Variants in SCN8A observed in about 807,000 individuals in gnomAD.
SCN8A encodes the protein sodium voltage-gated channel alpha subunit 8, also known as sodium channel protein type 8 subunit alpha.
In SCN8A, 30 loss-of-function variants were observed where a neutral mutation model predicts 184.1. That is an observed-to-expected ratio of 0.16 (90% CI 0.12 to 0.22). The LOEUF (loss-of-function observed/expected upper bound fraction) is 0.22. SCN8A is among the 10% of genes least tolerant of loss of function. The pLI, the probability that SCN8A is intolerant of heterozygous loss-of-function variation, is 1.00. For synonymous variants in SCN8A, 852 were observed against 907.0 expected, an observed-to-expected ratio of 0.94 and a Z score of 1.09; for missense variants, 1,057 against 2,498.9, an observed-to-expected ratio of 0.42 and a Z score of 12.30.
rs1035168468 is a variant in SCN8A, at chr12:51,713,335, G to T, written c.1635+6620G>T. 4.1e-5 allele frequency: 44 copies of T among 1,062,536 alleles called. No individual in the cohort carries two copies. The African/African-American group carries it at 6.3e-4, about 15-fold the overall frequency. 65.8% of individuals were successfully genotyped at this position (1,062,536 alleles called of 1,614,324 possible). A position where few individuals can be genotyped will look rare whatever the true frequency, so the allele number is the denominator to read the frequency against. On this transcript the variant is annotated intron_variant, in intron 11 of 26. Transcript: ENST00000627620. ...CTTGTGTGGTCAAGCACACATTGCT[G>T]CATCCACCTCTTCAACACAAGAATA... is the stretch of plus-strand genomic sequence containing the variant.
chr12:51,714,827 C>T (rs57913244), intron 11 of SCN8A, among the ~76,000 whole-genome samples: 10,299 of 152,214 alleles, frequency 0.068, 570 homozygotes, highest in African/African-American at 0.15. Flanking sequence ...GCCATTCTCC[C>T]GAGCAAACAT....
chr12:51,784,711 G>A (rs1332118685), intron 21 of SCN8A, among the ~76,000 whole-genome samples: 1 of 152,136 alleles, frequency 6.6e-6, no homozygotes. Context: ...GGATCAATAT[G>A]TAAAATTTTC....
At chr12:51,631,733 C>G (rs547297130) in intron 1 of SCN8A, among the ~76,000 whole-genome samples, 1 of 152,190 alleles carries the variant, frequency 6.6e-6, no homozygotes, top group Non-Finnish European at 1.5e-5. Flanking sequence ...GATCATACTT[C>G]CAAGCACTTA....
intron 19 of SCN8A, among the ~76,000 whole-genome samples, chr12:51,772,933 A>G (rs1001066522): frequency 8.6e-5 from 13 of 151,546 alleles, no homozygotes; most frequent in South Asian, 2.1e-4. Context: ...CAGCTAACAC[A>G]GTGAAACCCC....
intron 7 of SCN8A, among the ~76,000 whole-genome samples, chr12:51,700,818 G>C (rs769708114): frequency 9.9e-5 from 15 of 152,138 alleles, no homozygotes; most frequent in Non-Finnish European, 2.1e-4. Context: ...GTGGTATAAA[G>C]GGGTGTACAA....
In SCN8A at chr12:51,780,867, G is replaced by A. The variant is rs919634427; in HGVS notation, c.3942+96G>A. On this transcript the variant is annotated intron_variant, in intron 21 of 26. Transcript: ENST00000627620. ...CATGGTGGAAAGATCATTCAAACAC[G>A]AATTCTGTGATGCAGCTGCTGATTT... The A allele has an allele frequency of 3.0e-5, 40 of 1,318,324 alleles. No homozygotes were observed. In the African/African-American group the frequency reaches 4.0e-4, roughly 13 times the overall value. 81.7% of individuals were successfully genotyped at this position (1,318,324 alleles called of 1,614,324 possible).
At chr12:51,607,935 G>C (rs1939631244) in intron 1 of SCN8A, among the ~76,000 whole-genome samples, 1 of 151,866 alleles carries the variant, frequency 6.6e-6, no homozygotes, top group Non-Finnish European at 1.5e-5. Flanking sequence ...GGTGATGCTG[G>C]CTTCATAGAA....
chr12:51,762,852 G>A (rs1189808158), intron 15 of SCN8A, among the ~76,000 whole-genome samples, 176 bp downstream of exon 15: 1 of 152,152 alleles, frequency 6.6e-6, no homozygotes, highest in African/African-American at 2.4e-5. Context: ...ACCTGATATG[G>A]AAGTTAGTTG....
chr12:51,765,358 G>A (rs906376984), intron 15 of SCN8A, among the ~76,000 whole-genome samples: 2 of 152,122 alleles, frequency 1.3e-5, no homozygotes, highest in Non-Finnish European at 2.9e-5. Flanking sequence ...AAAATTAGTA[G>A]GAAAGGGATA....
At chr12:51,742,083 TAC>T (rs1942436029) in intron 12 of SCN8A, among the ~76,000 whole-genome samples, 2 of 152,222 alleles carry the variant, frequency 1.3e-5, no homozygotes, top group South Asian at 4.1e-4. Flanking sequence ...ATAAAAACTG[TAC>T]ACTTTAACTT....
intron 12 of SCN8A, among the ~76,000 whole-genome samples, chr12:51,732,387 T>C (rs1942257859): frequency 6.6e-6 from 1 of 152,206 alleles, no homozygotes; most frequent in Non-Finnish European, 1.5e-5. Flanking sequence ...TGTAGGTGTG[T>C]GGATTTATTT....
At chr12:51,596,996 A>G (rs1216700988) in intron 1 of SCN8A, among the ~76,000 whole-genome samples, 1 of 152,172 alleles carries the variant, frequency 6.6e-6, no homozygotes, top group Non-Finnish European at 1.5e-5. Flanking sequence ...GGGTACGGGC[A>G]GCAAGTTGGG....
Position 51,768,850 on chromosome 12 carries a change from A to G in SCN8A, c.2902-15A>G. 1 of 1,518,628 alleles carries G rather than the reference A, an allele frequency of 6.6e-7. No individual in the cohort carries two copies. Among genetic ancestry groups the G allele is most frequent in the East Asian group, 2.3e-5 (1 of 43,938 alleles). 94.1% of individuals were successfully genotyped at this position (1,518,628 alleles called of 1,614,324 possible). On this transcript the variant is annotated splice_polypyrimidine_tract_variant and intron_variant, in intron 16 of 26. Coordinates refer to ENST00000627620, the MANE Select transcript of SCN8A (RefSeq NM_001330260.2). ...TTTCTGCATTTGTTCCTTTTTTCCA[A>G]TGCTACTGGCATAGGTGCTGAACCT...
At chr12:51,767,963 C>T (rs1942863435) in intron 16 of SCN8A, 2 of 152,212 alleles carry the variant, frequency 1.3e-5, no homozygotes, top group African/African-American at 4.8e-5. Context: ...CTCTCCAACT[C>T]ACCCGCATTT....
chr12:51,605,834 C>T (rs956520469), intron 1 of SCN8A, among the ~76,000 whole-genome samples: 3 of 152,112 alleles, frequency 2.0e-5, no homozygotes, highest in Middle Eastern at 3.4e-3. Flanking sequence ...TTCCCATTTC[C>T]CTGATCATTA....
Position 51,762,486 on chromosome 12 carries a change from T to G in SCN8A, c.2371-17T>G, listed in dbSNP as rs1193837480. The G allele has an allele frequency of 6.2e-7, 1 of 1,610,942 alleles. No homozygotes were observed. Among genetic ancestry groups the G allele is most frequent in the African/African-American group, 1.3e-5 (1 of 74,760 alleles). ...TCTACTATTTATTTTTCTTACCCCC[T>G]GCATCCCCCTATTTAGGTTTTCACT... On this transcript the variant is annotated splice_polypyrimidine_tract_variant and intron_variant, in intron 14 of 26. Transcript: ENST00000627620.
At chr12:51,730,331 A>G (rs1039086736) in intron 12 of SCN8A, among the ~76,000 whole-genome samples, 3 of 152,160 alleles carry the variant, frequency 2.0e-5, no homozygotes, top group African/African-American at 7.2e-5. Flanking sequence ...ACAAAAATCA[A>G]TTGATGTATA....
At chr12:51,716,399 G>T (rs1161594217) in intron 11 of SCN8A, among the ~76,000 whole-genome samples, 1 of 152,080 alleles carries the variant, frequency 6.6e-6, no homozygotes, top group Admixed American at 6.6e-5. Context: ...TCTGAAAGGG[G>T]GTTTGGTGCT....
intron 11 of SCN8A, among the ~76,000 whole-genome samples, chr12:51,720,167 C>T (rs1308053736): frequency 6.0e-5 from 9 of 150,280 alleles, no homozygotes; most frequent in Non-Finnish European, 1.0e-4. Context: ...ACATCAATGC[C>T]GGATATTATA....
Sources: allele counts gnomAD v4.1 joint callset (sites outside exome capture counted in the v4.1 genomes callset), GRCh38; gene constraint gnomAD v4.1.1; transcripts MANE v1.5; gene names NCBI Gene and HGNC (gene_info 2026-07-23, HGNC 2026-07-21).